PLEKHG2: variants seen among roughly 807,000 people sequenced by gnomAD.
The protein encoded by PLEKHG2 is pleckstrin homology domain-containing family G member 2.
Under a neutral mutation model 104.4 loss-of-function variants are expected in PLEKHG2, and 71 were observed. The ratio of observed to expected loss-of-function variants is 0.68; its 90% CI spans 0.56 to 0.83. The LOEUF (loss-of-function observed/expected upper bound fraction) is 0.83. PLEKHG2 is among the 40% of genes least tolerant of loss of function. The probability of loss-of-function intolerance (pLI) is 0.00; values close to 1 mark genes in which losing one functional copy is unlikely to be tolerated. For synonymous variants in PLEKHG2, 728 were observed against 737.0 expected (o/e 0.99, Z 0.20); for missense variants, 1,730 against 1,809.4 (o/e 0.96, Z 0.80).
Position 39,423,184 on chromosome 19 carries a change from A to G in PLEKHG2, c.2130A>G (p.Arg710=). Residue 710 remains arginine (R), a synonymous_variant, in exon 18 of 19, where the codon AGA becomes AGG. Transcript: ENST00000425673. The part of the protein sequence containing the change: ...QEPAEAPATR[R]ELFSGSNPGK... ...CAGCTGAGGCTCCAGCCACCAGGAG[A>G]GAACTGTTTTCTGGGAGCAATCCTG... The G allele has an allele frequency of 6.2e-7, 1 of 1,612,686 alleles. No homozygotes were observed. Among genetic ancestry groups the G allele is most frequent in the East Asian group, 2.2e-5 (1 of 44,868 alleles).
chr19:39,413,155 C>G lies in PLEKHG2; in HGVS notation c.-280C>G, dbSNP rs1265850199. ...TCCATCCCCCACCCCACGGCCCTAC[C>G]TAGAAGACTTAGGAATGTGGGTCCC... is the stretch of plus-strand genomic sequence containing the variant. On this transcript the variant is annotated 5_prime_UTR_variant, in exon 1 of 19. Transcript: ENST00000425673. This position sits in a 1 kb window ranked among gnomAD's most constrained non-coding sequence, Gnocchi z 4.5. 6.6e-6 allele frequency: 1 copy of G among 152,328 alleles called. No individual in the cohort carries two copies. The highest frequency in any genetic ancestry group is 1.5e-5 in the Non-Finnish European group (1 of 68,134). 9.4% of individuals were successfully genotyped at this position (152,328 alleles called of 1,614,324 possible). A position where few individuals can be genotyped will look rare whatever the true frequency, so the allele number is the denominator to read the frequency against.
rs780952501 is a variant in PLEKHG2 at position 39,420,927 on chromosome 19, G to C, written c.1400-22G>C. The C allele has an allele frequency of 1.9e-6, 3 of 1,613,990 alleles. No individual in the cohort carries two copies. The Admixed American group carries it at 5.0e-5, about 27-fold the overall frequency. ...GACCCGGGAGCTGGGCTCACACAGG[G>C]CTCTGGCCCTCCCTCCCACAGCTCC... On this transcript the variant is annotated intron_variant, in intron 13 of 18. Transcript: ENST00000425673.
intron 11 of PLEKHG2, among the ~76,000 whole-genome samples, chr19:39,420,115 T>C (rs1861859461): frequency 6.6e-6 from 1 of 151,908 alleles, no homozygotes; most frequent in Non-Finnish European, 1.5e-5. Context: ...ATCCCAGCAC[T>C]TCGGGAGGCC....
rs1431343321 is a variant in PLEKHG2 at position 39,412,981 on chromosome 19, G to A, written c.-454G>A. 1.3e-5 allele frequency: 2 copies of A among 152,264 alleles called. No homozygotes were observed. The highest frequency in any genetic ancestry group is 2.9e-5 in the Non-Finnish European group (2 of 68,090). 9.4% of individuals were successfully genotyped at this position (152,264 alleles called of 1,614,324 possible). ...TCCGATCCCAAGACCCCGCGTTGGAGGAACTTGAGATCCGGACTTCTAAGC... is the reference window on the plus strand; with the variant it reads ...TCCGATCCCAAGACCCCGCGTTGGAAGAACTTGAGATCCGGACTTCTAAGC... On this transcript the variant is annotated 5_prime_UTR_variant, in exon 1 of 19. Coordinates refer to ENST00000425673, the MANE Select transcript of PLEKHG2 (RefSeq NM_022835.3).
In PLEKHG2 at chr19:39,416,916, G is replaced by C; in HGVS notation, c.660G>C (p.Gln220His). The change falls in exon 7 of 19, where the codon CAG becomes CAC. Residue 220 changes from glutamine to histidine, a missense_variant. Physicochemically the swap from Gln to His is conservative, Grantham distance 24. Transcript: ENST00000425673. The surrounding 1 kb of genome is among the most constrained non-coding windows in gnomAD (Gnocchi z 4.5). ...CAGCCCTGTGGCTGCAGGAGCGCCA[G>C]GCCCAGCTTCGCCACTCGCTGCCCC... ...PPAALWLQERQAQLRHSLPLQ... is the reference protein window; with the variant it reads ...PPAALWLQERHAQLRHSLPLQ... 6.2e-7 allele frequency: 1 copy of C among 1,613,242 alleles called. No homozygotes were observed. Among genetic ancestry groups the C allele is most frequent in the Non-Finnish European group, 8.5e-7 (1 of 1,179,940 alleles).
Position 39,416,092 on chromosome 19 carries a change from C to T in PLEKHG2, c.480-256C>T, listed in dbSNP as rs894641220. Among the ~76,000 whole-genome samples the T allele has an allele frequency of 6.6e-5, 10 of 152,044 alleles. No homozygotes were observed. Among genetic ancestry groups the T allele is most frequent in the Admixed American group, 5.2e-4 (8 of 15,274 alleles). ...AGCTCTTTGGGTCATGATATAACAC[C>T]CCTAGGCTCATGCCAGCACTGACAC... On this transcript the variant is annotated intron_variant, in intron 4 of 18. Coordinates refer to ENST00000425673, the MANE Select transcript of PLEKHG2 (RefSeq NM_022835.3). The surrounding 1 kb of genome is among the most constrained non-coding windows in gnomAD (Gnocchi z 4.5).
In PLEKHG2 at chr19:39,423,856, A is replaced by G; in HGVS notation, c.2723A>G (p.Gln908Arg). ...CAAGCTGCCATACCTTTGTCAAAGC[A>G]GGGAGGCAGCCCGGATGGCCAGGGT... is the stretch of plus-strand genomic sequence containing the variant. ...WVQAAIPLSK[Q>R]GGSPDGQGLH... Residue 908 changes from glutamine to arginine, a missense_variant, in exon 19 of 19, where the codon CAG becomes CGG. Coordinates refer to ENST00000425673, the MANE Select transcript of PLEKHG2 (RefSeq NM_022835.3). The G allele has an allele frequency of 6.2e-7, 1 of 1,614,192 alleles. No homozygotes were observed. Among genetic ancestry groups the G allele is most frequent in the African/African-American group, 1.3e-5 (1 of 75,052 alleles).
At position 39,423,912 on chromosome 19, in the gene PLEKHG2, CT is replaced by C; in HGVS notation, c.2781del (p.Pro928ArgfsTer118). On this transcript the variant is annotated frameshift_variant, in exon 19 of 19. Transcript: ENST00000425673. LOFTEE classifies it low-confidence loss of function (END_TRUNC). ...TGTTTCCAATTTGCCTAAGCAAGAC[CT>C]TCCGGGCATCCACGTTTCAGCTGCT... is the stretch of plus-strand genomic sequence containing the variant. ...LHVSNLPKQD[L>X]PGIHVSAATL... The C allele has an allele frequency of 6.2e-7, 1 of 1,614,210 alleles. No individual in the cohort carries two copies. The highest frequency in any genetic ancestry group is 8.5e-7 in the Non-Finnish European group (1 of 1,180,026).
Position 39,422,029 on chromosome 19 carries a change from C to T in PLEKHG2, c.1504-86C>T, listed in dbSNP as rs143288945. The T allele has an allele frequency of 7.6e-4, 1,043 of 1,375,620 alleles. 2 individuals are homozygous for T. The highest frequency in any genetic ancestry group is 1.5e-3 in the East Asian group (56 of 37,554). 85.2% of individuals were successfully genotyped at this position (1,375,620 alleles called of 1,614,324 possible). ...GAGACTCCATCTCAAAACAAACAAA[C>T]GCAAAAGAAGGGGATTGGGACTTGG... On this transcript the variant is annotated intron_variant, in intron 16 of 18. Transcript: ENST00000425673.
rs199560231 is a variant in PLEKHG2 at position 39,422,893 on chromosome 19, C to T, written c.1839C>T (p.His613=). The change falls in exon 18 of 19, where the codon CAC becomes CAT. Residue 613 remains histidine (H), a synonymous_variant. Coordinates refer to ENST00000425673, the MANE Select transcript of PLEKHG2 (RefSeq NM_022835.3). Reference sequence around the variant, plus strand: ...ATGAACGGGGGCCTTCCCCACTCCACGTCCTGGAAGGGCTCGAAAGTTCCA... The same window carrying T: ...ATGAACGGGGGCCTTCCCCACTCCATGTCCTGGAAGGGCTCGAAAGTTCCA... The part of the protein sequence containing the change: ...EMDERGPSPL[H]VLEGLESSIA... 5.6e-6 allele frequency: 9 copies of T among 1,594,584 alleles called. No homozygotes were observed. Among genetic ancestry groups the T allele is most frequent in the East Asian group, 2.2e-5 (1 of 44,788 alleles).
chr19:39,416,713 GA>G lies in PLEKHG2; in HGVS notation c.593+117del. On this transcript the variant is annotated intron_variant, in intron 6 of 18. Coordinates refer to ENST00000425673, the MANE Select transcript of PLEKHG2 (RefSeq NM_022835.3). This position sits in a 1 kb window ranked among gnomAD's most constrained non-coding sequence, Gnocchi z 4.5. ...CCAGCACCGACCCCTGCCAGGCTGT[GA>G]CAGTAACTGACCTCTCCCTCACTGC... 8 of 1,473,024 alleles carry G rather than the reference GA, an allele frequency of 5.4e-6. No homozygotes were observed. Among genetic ancestry groups the G allele is most frequent in the Non-Finnish European group, 2.8e-6 (3 of 1,068,070 alleles). 91.2% of individuals were successfully genotyped at this position (1,473,024 alleles called of 1,614,324 possible). A position where few individuals can be genotyped will look rare whatever the true frequency, so the allele number is the denominator to read the frequency against.
Position 39,423,183 on chromosome 19 carries a change from G to A in PLEKHG2, c.2129G>A (p.Arg710Lys). The A allele has an allele frequency of 6.2e-7, 1 of 1,612,958 alleles. No individual in the cohort carries two copies. The highest frequency in any genetic ancestry group is 8.5e-7 in the Non-Finnish European group (1 of 1,179,188). The change falls in exon 18 of 19, where the codon AGA becomes AAA. Residue 710 changes from arginine to lysine, a missense_variant. By Grantham distance (26) the Arg-to-Lys change is conservative (BLOSUM62 2). Transcript: ENST00000425673. ...CCAGCTGAGGCTCCAGCCACCAGGA[G>A]AGAACTGTTTTCTGGGAGCAATCCT... ...QEPAEAPATR[R>K]ELFSGSNPGK...
chr19:39,425,041 C>A lies in PLEKHG2; in HGVS notation c.3908C>A (p.Ala1303Asp). 6.3e-7 allele frequency: 1 copy of A among 1,596,654 alleles called. No homozygotes were observed. The highest frequency in any genetic ancestry group is 8.5e-7 in the Non-Finnish European group (1 of 1,171,854). ...RQGPGGGAPA[A>D]SRGSWSSAPT... is the part of the protein sequence containing the mutation. ...GGGCCTGGGGGAGGGGCCCCCGCAG[C>A]CTCCCGGGGCTCCTGGTCCTCTGCT... Residue 1303 changes from alanine to aspartate, a missense_variant, in exon 19 of 19, where the codon GCC becomes GAC. Physicochemically the swap from Ala to Asp is moderately radical, Grantham distance 126. Coordinates refer to ENST00000425673, the MANE Select transcript of PLEKHG2 (RefSeq NM_022835.3).
chr19:39,422,208 C>G lies in PLEKHG2; in HGVS notation c.1597C>G (p.Pro533Ala). 6.2e-7 allele frequency: 1 copy of G among 1,613,888 alleles called. No homozygotes were observed. The highest frequency in any genetic ancestry group is 8.5e-7 in the Non-Finnish European group (1 of 1,179,930). The change falls in exon 17 of 19, where the codon CCA becomes GCA. Residue 533 changes from proline (P) to alanine (A), a missense_variant. Transcript: ENST00000425673. Reference protein sequence around the residue: ...PPEDLEDAGPPTLDPSGTSIT... With the variant: ...PPEDLEDAGPATLDPSGTSIT... The stretch of plus-strand genomic sequence containing the variant: ...TGAGGACCTGGAGGATGCTGGACCC[C>G]CAACACTGGACCCCTCTGGGACCTC...
Position 39,420,975 on chromosome 19 carries a change from C to T in PLEKHG2, c.1426C>T (p.Arg476Cys), listed in dbSNP as rs867114386. 5.6e-6 allele frequency: 9 copies of T among 1,613,904 alleles called. No individual in the cohort carries two copies. The highest frequency in any genetic ancestry group is 5.0e-5 in the Admixed American group (3 of 60,006). ...TAPSPGPSVI[R>C]RGRRQSEPVK... ...TCCATCTCCTGGGCCCTCTGTGATT[C>T]GCCGAGGCCGCAGGCAGTCTGGTGA... The change falls in exon 14 of 19, where the codon CGC becomes TGC. Residue 476 changes from arginine (R) to cysteine (C), a missense_variant. Arg to Cys is a radical substitution (Grantham distance 180). Coordinates refer to ENST00000425673, the MANE Select transcript of PLEKHG2 (RefSeq NM_022835.3).
Position 39,420,999 on chromosome 19 carries a change from G to A in PLEKHG2, c.1447+3G>A. The A allele has an allele frequency of 2.5e-6, 4 of 1,614,042 alleles. No homozygotes were observed. Among genetic ancestry groups the A allele is most frequent in the Non-Finnish European group, 2.5e-6 (3 of 1,180,008 alleles). ...TCGCCGAGGCCGCAGGCAGTCTGGT[G>A]AGCACTCACCCCTAAGGGTGATCCA... is the stretch of plus-strand genomic sequence containing the variant. On this transcript the variant is annotated splice_donor_region_variant and intron_variant, in intron 14 of 18. Coordinates refer to ENST00000425673, the MANE Select transcript of PLEKHG2 (RefSeq NM_022835.3).
At chr19:39,419,156 T>C (rs1600654914) in intron 11 of PLEKHG2, among the ~76,000 whole-genome samples, 153 bp downstream of exon 11, 1 of 152,362 alleles carries the variant, frequency 6.6e-6, no homozygotes, top group East Asian at 1.9e-4. Flanking sequence ...GAATCTTAGC[T>C]CTACCATGTC....
rs973272342 is a variant in PLEKHG2, at chr19:39,425,596, C to T, written c.*302C>T. On this transcript the variant is annotated 3_prime_UTR_variant, in exon 19 of 19. Coordinates refer to ENST00000425673, the MANE Select transcript of PLEKHG2 (RefSeq NM_022835.3). ...GAAGGTCTGACACAGAACAAATCAG[C>T]GGTTCTGAAAGCTTGGGGAATCTCA... 11 of 423,032 alleles carry T rather than the reference C, an allele frequency of 2.6e-5. No homozygotes were observed. The highest frequency in any genetic ancestry group is 1.0e-4 in the South Asian group (1 of 9,558). 26.2% of individuals were successfully genotyped at this position (423,032 alleles called of 1,614,324 possible). A position where few individuals can be genotyped will look rare whatever the true frequency, so the allele number is the denominator to read the frequency against.
intron 11 of PLEKHG2, among the ~76,000 whole-genome samples, chr19:39,419,666 C>T (rs894100744): frequency 1.3e-5 from 2 of 151,596 alleles, no homozygotes; most frequent in South Asian, 2.1e-4. Flanking sequence ...TCACGAGGTC[C>T]GGAGATCGAG....
Sources: allele counts gnomAD v4.1 joint callset (sites outside exome capture counted in the v4.1 genomes callset), GRCh38; gene constraint gnomAD v4.1.1; non-coding constraint Gnocchi (gnomAD v3.1); transcripts MANE v1.5; gene names NCBI Gene and HGNC (gene_info 2026-07-23, HGNC 2026-07-21).